Variants in LGR4 observed in about 807,000 individuals in gnomAD.
LGR4 encodes leucine rich repeat containing G protein-coupled receptor 4.
Under a neutral mutation model 84.8 loss-of-function variants are expected in LGR4, and 44 were observed. The ratio of observed to expected loss-of-function variants is 0.52; its 90% CI spans 0.41 to 0.67. The LOEUF is 0.67. Among genes scored for constraint, LGR4 ranks in the 30% least tolerant of loss-of-function variants. The pLI, the probability that LGR4 is intolerant of heterozygous loss-of-function variation, is 0.00. For missense variants in LGR4, 1,032 were observed against 1,131.4 expected (o/e 0.91, Z 1.26); for synonymous variants, 429 against 434.3 (o/e 0.99, Z 0.15).
At chr11:27,424,752 GT>G (rs1450627797) in intron 1 of LGR4, among the ~76,000 whole-genome samples, 10 of 152,074 alleles carry the variant, frequency 6.6e-5, no homozygotes, top group Non-Finnish European at 8.8e-5. Context: ...TTTTTTGTCT[GT>G]TTGTTTGTTT....
At chr11:27,375,740 T>G (rs540095139) in intron 13 of LGR4, among the ~76,000 whole-genome samples, 2 of 152,292 alleles carry the variant, frequency 1.3e-5, no homozygotes, top group African/African-American at 4.8e-5. Context: ...TGGGCTGTAG[T>G]CTGCCTACCC....
intron 1 of LGR4, among the ~76,000 whole-genome samples, chr11:27,449,444 T>C (rs1168065512): frequency 1.3e-5 from 2 of 151,892 alleles, no homozygotes; most frequent in East Asian, 1.9e-4. Flanking sequence ...TAGCCAGGTA[T>C]GGTGGCCTGT....
At chr11:27,415,433 T>C (rs1405831013) in intron 1 of LGR4, among the ~76,000 whole-genome samples, 4 of 152,116 alleles carry the variant, frequency 2.6e-5, no homozygotes, top group African/African-American at 9.7e-5. Flanking sequence ...ATTCTCTGCA[T>C]TCCAGTTTTT....
chr11:27,450,496 T>C (rs1200438224), intron 1 of LGR4, among the ~76,000 whole-genome samples: 1 of 152,048 alleles, frequency 6.6e-6, no homozygotes, highest in Non-Finnish European at 1.5e-5. Flanking sequence ...ACACAGAAAA[T>C]TGTGCTCTCA....
intron 1 of LGR4, among the ~76,000 whole-genome samples, chr11:27,468,224 C>T (rs1210763045): frequency 6.6e-6 from 1 of 152,100 alleles, no homozygotes. Flanking sequence ...AGCTCAACAA[C>T]CTGCTCATGT....
chr11:27,373,851 A>G lies in LGR4; in HGVS notation c.1253+124T>C, dbSNP rs1238697667. 3.9e-5 allele frequency: 39 copies of G among 991,220 alleles called. No homozygotes were observed. The Admixed American group carries it at 4.8e-4, about 12-fold the overall frequency. 61.4% of individuals were successfully genotyped at this position (991,220 alleles called of 1,614,324 possible). On this transcript the variant is annotated intron_variant, in intron 14 of 17. Transcript: ENST00000379214. ...TTAAGAAGACTTTTACTATAAATACAGCTTAGCATTTATACAAGGGAATAA... is the reference window on the plus strand; with the variant it reads ...TTAAGAAGACTTTTACTATAAATACGGCTTAGCATTTATACAAGGGAATAA...
chr11:27,412,638 C>A, intron 2 of LGR4, 151 bp downstream of exon 2: 2 of 661,156 alleles, frequency 3.0e-6, no homozygotes, highest in Non-Finnish European at 5.4e-6. Flanking sequence ...GTTTACTTCC[C>A]CCAAGAAACA....
At chr11:27,430,491 T>C (rs1193816314) in intron 1 of LGR4, among the ~76,000 whole-genome samples, 1 of 152,226 alleles carries the variant, frequency 6.6e-6, no homozygotes, top group African/African-American at 2.4e-5. Context: ...ATGTTATCTG[T>C]GCTTCTCTGT....
At chr11:27,394,302 G>T (rs909241866) in intron 2 of LGR4, among the ~76,000 whole-genome samples, 1 of 152,124 alleles carries the variant, frequency 6.6e-6, no homozygotes, top group Non-Finnish European at 1.5e-5. Flanking sequence ...TGGTTTTAAG[G>T]CCTCTTCAGT....
At chr11:27,452,923 T>C (rs188122646) in intron 1 of LGR4, among the ~76,000 whole-genome samples, 3 of 152,246 alleles carry the variant, frequency 2.0e-5, no homozygotes, top group African/African-American at 7.2e-5. Context: ...TTCTGTGTAA[T>C]AGCCTGTTGT....
chr11:27,394,583 A>G (rs1482819511), intron 2 of LGR4, among the ~76,000 whole-genome samples: 1 of 151,972 alleles, frequency 6.6e-6, no homozygotes, highest in Non-Finnish European at 1.5e-5. Context: ...TTGTATTTTT[A>G]GTAGAGACGG....
At chr11:27,422,305 G>A (rs1365685030) in intron 1 of LGR4, among the ~76,000 whole-genome samples, 4 of 152,050 alleles carry the variant, frequency 2.6e-5, no homozygotes, top group Admixed American at 6.6e-5. Flanking sequence ...ACTTATTAAC[G>A]CGACTGATAG....
intron 1 of LGR4, 75 bp downstream of exon 1, chr11:27,472,043 T>C: frequency 1.8e-6 from 2 of 1,094,486 alleles, no homozygotes; most frequent in Non-Finnish European, 2.3e-6. Context: ...GACTGACCCC[T>C]GGCTCCGCCC....
At chr11:27,426,183 T>G (rs186497658) in intron 1 of LGR4, among the ~76,000 whole-genome samples, 1 of 152,310 alleles carries the variant, frequency 6.6e-6, no homozygotes, top group East Asian at 1.9e-4. Context: ...ATGGGACACC[T>G]AATAAGTTTC....
intron 1 of LGR4, among the ~76,000 whole-genome samples, chr11:27,448,169 T>G (rs2133440881): frequency 6.6e-6 from 1 of 152,326 alleles, no homozygotes; most frequent in Non-Finnish European, 1.5e-5. Context: ...TACCATTAAA[T>G]ACAGGATCAC....
intron 4 of LGR4, among the ~76,000 whole-genome samples, chr11:27,388,187 G>A (rs1428820198): frequency 6.6e-6 from 1 of 152,162 alleles, no homozygotes; most frequent in Non-Finnish European, 1.5e-5. Context: ...AAAACGATTT[G>A]TGATGACTCA....
chr11:27,472,331 T>A lies in LGR4; in HGVS notation c.-29A>T. 1 of 1,194,350 alleles carries A rather than the reference T, an allele frequency of 8.4e-7. No homozygotes were observed. Among genetic ancestry groups the A allele is most frequent in the Non-Finnish European group, 1.0e-6 (1 of 963,680 alleles). The allele number at this position is 1,194,350 out of a possible 1,614,324, so 74.0% of individuals were successfully genotyped here. On this transcript the variant is annotated 5_prime_UTR_variant, in exon 1 of 18. Transcript: ENST00000379214. The stretch of plus-strand genomic sequence containing the variant: ...TGCGGCCGCCTCCCGCGCCGGCCTC[T>A]CCCGCGGCGCTGCTCGCTCCGCTGC...
chr11:27,430,279 C>A (rs1019316760), intron 1 of LGR4, among the ~76,000 whole-genome samples: 4 of 152,020 alleles, frequency 2.6e-5, no homozygotes, highest in Non-Finnish European at 5.9e-5. Context: ...ATTTAAATTA[C>A]CAGTTGAGTC....
intron 1 of LGR4, among the ~76,000 whole-genome samples, chr11:27,425,840 A>G (rs1398184409): frequency 6.6e-6 from 1 of 152,200 alleles, no homozygotes; most frequent in East Asian, 1.9e-4. Context: ...ATAATATGAA[A>G]AACTTAAACT....
Sources: gnomAD v4.1 joint callset for allele counts (sites outside exome capture counted in the v4.1 genomes callset) on GRCh38, gnomAD v4.1.1 for gene constraint, MANE v1.5 for transcripts, NCBI Gene and HGNC (gene_info 2026-07-23, HGNC 2026-07-21) for gene names.